Variants in DGKB observed in about 807,000 individuals in gnomAD.
DGKB encodes the protein 90 kDa diacylglycerol kinase.
DGKB carries 67 observed loss-of-function variants against 114.3 expected under a neutral mutation model. That is an observed-to-expected ratio of 0.59 (90% CI 0.48 to 0.72). The LOEUF (loss-of-function observed/expected upper bound fraction) is 0.72, where lower values mean the gene tolerates loss of function less well. Among genes scored for constraint, DGKB ranks in the 30% least tolerant of loss-of-function variants. The pLI is 0.00. For synonymous variants in DGKB, 398 were observed against 323.1 expected (o/e 1.23, Z -2.49); for missense variants, 907 against 975.2 (o/e 0.93, Z 0.93).
At position 14,659,157 on chromosome 7, in the gene DGKB, G is replaced by T. The variant is rs534392801; in HGVS notation, c.1134+13772C>A. 2.0e-5 allele frequency among the ~76,000 whole-genome samples: 3 copies of T among 151,850 alleles called. No homozygotes were observed. The South Asian group carries it at 6.2e-4, about 32-fold the overall frequency. The stretch of plus-strand genomic sequence containing the variant: ...CATTGTATTAACTCTATTCTTAAAG[G>T]CTCATCAGATATTATAACAAGAGAG... On this transcript the variant is annotated intron_variant, in intron 13 of 25. Coordinates refer to ENST00000402815, the MANE Select transcript of DGKB (RefSeq NM_001350709.2).
intron 23 of DGKB, chr7:14,191,799 C>T: frequency 2.6e-6 from 1 of 381,614 alleles, no homozygotes. Context: ...ACTCAGGTGA[C>T]TATTCTGCAC....
intron 13 of DGKB, among the ~76,000 whole-genome samples, chr7:14,661,202 A>G (rs952194145): frequency 2.5e-4 from 37 of 150,866 alleles, no homozygotes; most frequent in African/African-American, 9.0e-4. Context: ...AAATTGACAA[A>G]TGGGATCTAA....
chr7:14,743,291 T>C (rs1164902143), intron 4 of DGKB, among the ~76,000 whole-genome samples: 1 of 152,162 alleles, frequency 6.6e-6, no homozygotes, highest in African/African-American at 2.4e-5. Context: ...GCCTTGTAAA[T>C]AGACTGCCAA....
intron 10 of DGKB, among the ~76,000 whole-genome samples, 185 bp from the exon 11 acceptor site, chr7:14,683,026 C>T (rs1025228623): frequency 2.0e-5 from 3 of 152,100 alleles, no homozygotes; most frequent in African/African-American, 7.2e-5. Flanking sequence ...CCAATTAGTA[C>T]AGGAAATATT....
chr7:14,926,028 G>A (rs1282614615), intron 1 of DGKB, among the ~76,000 whole-genome samples: 3 of 151,978 alleles, frequency 2.0e-5, no homozygotes, highest in Non-Finnish European at 4.4e-5. Context: ...GTTAACTGTA[G>A]GTTTCTGTAG....
rs78826743 is a variant in DGKB, at chr7:14,632,181, C to G, written c.1135-1913G>C. 6.2e-3 allele frequency among the ~76,000 whole-genome samples: 942 copies of G among 152,000 alleles called. 10 individuals carry two copies. The highest frequency in any genetic ancestry group is 0.022 in the African/African-American group (907 of 41,498). On this transcript the variant is annotated intron_variant, in intron 13 of 25. Transcript: ENST00000402815. ...TGCCCAAAAAGTAAATAAATAAAAG[C>G]AACAGAAGGCATTTTGGGGATAACT...
chr7:14,444,579 T>C (rs561280206), intron 21 of DGKB, among the ~76,000 whole-genome samples: 13 of 151,848 alleles, frequency 8.6e-5, no homozygotes, highest in Non-Finnish European at 1.8e-4. Context: ...ATTGGTAGCA[T>C]TAAATGCTAA....
chr7:14,541,947 C>T (rs1195227214), intron 20 of DGKB, among the ~76,000 whole-genome samples: 3 of 152,268 alleles, frequency 2.0e-5, no homozygotes, highest in South Asian at 2.1e-4. Context: ...TACCCAATTT[C>T]CTTACATATC....
At chr7:14,429,356 T>A (rs969165563) in intron 21 of DGKB, among the ~76,000 whole-genome samples, 1 of 152,090 alleles carries the variant, frequency 6.6e-6, no homozygotes, top group Non-Finnish European at 1.5e-5. Flanking sequence ...AAGGAGAAGA[T>A]GTACATCTGT....
intron 9 of DGKB, among the ~76,000 whole-genome samples, chr7:14,685,955 G>A (rs1821609839): frequency 6.6e-6 from 1 of 152,042 alleles, no homozygotes; most frequent in African/African-American, 2.4e-5. Context: ...TTAATACATT[G>A]AGTATGCCAC....
chr7:14,585,665 T>C (rs960242156), intron 17 of DGKB, among the ~76,000 whole-genome samples: 4 of 152,206 alleles, frequency 2.6e-5, no homozygotes, highest in African/African-American at 9.6e-5. Context: ...TAGCAGATAC[T>C]GCATTTTTTA....
chr7:14,915,857 A>T (rs373362519), intron 1 of DGKB, among the ~76,000 whole-genome samples: 1 of 152,172 alleles, frequency 6.6e-6, no homozygotes, highest in African/African-American at 2.4e-5. Context: ...CAGAGAGAAT[A>T]AAAATATATA....
intron 17 of DGKB, among the ~76,000 whole-genome samples, chr7:14,587,939 G>T (rs1174336380): frequency 6.6e-6 from 1 of 152,112 alleles, no homozygotes; most frequent in Non-Finnish European, 1.5e-5. Context: ...TCACTTTATT[G>T]TGGTGGTGTG....
intron 21 of DGKB, among the ~76,000 whole-genome samples, chr7:14,392,710 G>C (rs1156610808): frequency 4.6e-5 from 7 of 152,118 alleles, no homozygotes; most frequent in Admixed American, 3.3e-4. Context: ...GACAACAAAA[G>C]AGTTTGGTCA....
chr7:14,438,281 CTGA>C (rs1316597726), intron 21 of DGKB, among the ~76,000 whole-genome samples: 1 of 152,076 alleles, frequency 6.6e-6, no homozygotes, highest in Non-Finnish European at 1.5e-5. Context: ...CTTAGTGAGG[CTGA>C]TGGAGTCGAA....
intron 23 of DGKB, among the ~76,000 whole-genome samples, chr7:14,227,603 G>A (rs1791014963): frequency 6.6e-6 from 1 of 151,998 alleles, no homozygotes; most frequent in African/African-American, 2.4e-5. Flanking sequence ...GAAGAAGGAA[G>A]GAGGGAGGCA....
chr7:14,747,623 C>T (rs994621924), intron 4 of DGKB, among the ~76,000 whole-genome samples: 4 of 152,094 alleles, frequency 2.6e-5, no homozygotes, highest in Non-Finnish European at 2.9e-5. Flanking sequence ...CATGTAACAG[C>T]ATTAGAATTG....
intron 21 of DGKB, among the ~76,000 whole-genome samples, chr7:14,400,414 A>G (rs1223203983): frequency 6.6e-6 from 1 of 151,804 alleles, no homozygotes; most frequent in Non-Finnish European, 1.5e-5. Context: ...ATTTGGACAT[A>G]TACTTGTGCC....
intron 21 of DGKB, among the ~76,000 whole-genome samples, chr7:14,375,350 C>G (rs1818310941): frequency 3.9e-5 from 6 of 152,196 alleles, no homozygotes; most frequent in Admixed American, 3.9e-4. Flanking sequence ...ATGGATGAAA[C>G]TGAGTGAGAG....
Sources: allele counts gnomAD v4.1 joint callset (sites outside exome capture counted in the v4.1 genomes callset), GRCh38; gene constraint gnomAD v4.1.1; transcripts MANE v1.5; gene names NCBI Gene and HGNC (gene_info 2026-07-23, HGNC 2026-07-21).